SLC5A1: variants seen among roughly 807,000 people sequenced by gnomAD.
SLC5A1 encodes solute carrier family 5 member 1.
In SLC5A1, 42 loss-of-function variants were observed where a neutral mutation model predicts 73.5. The ratio of observed to expected loss-of-function variants is 0.57; its 90% CI spans 0.45 to 0.74. The LOEUF is 0.74. SLC5A1 is among the 30% of genes least tolerant of loss of function. SLC5A1 has a pLI of 0.00. For missense variants in SLC5A1, 634 were observed against 855.4 expected (o/e 0.74, Z 3.23); for synonymous variants, 300 against 317.4 (o/e 0.95, Z 0.58).
intron 2 of SLC5A1, among the ~76,000 whole-genome samples, chr22:32,051,720 C>T (rs1424798797): frequency 6.6e-6 from 1 of 152,072 alleles, no homozygotes; most frequent in Non-Finnish European, 1.5e-5. Context: ...ATCCCAAACC[C>T]AACAACAACA....
chr22:32,062,303 C>T (rs866299194), intron 2 of SLC5A1, among the ~76,000 whole-genome samples: 2 of 152,140 alleles, frequency 1.3e-5, no homozygotes, highest in African/African-American at 2.4e-5. Context: ...TTAATTTTTC[C>T]GTACATCTCC....
chr22:32,049,860 G>A, intron 1 of SLC5A1, 83 bp from the exon 2 acceptor site: 1 of 1,031,012 alleles, frequency 9.7e-7, no homozygotes, highest in South Asian at 1.3e-5. Flanking sequence ...AGAAGAAGGT[G>A]CACGAATGGG....
chr22:32,060,052 C>CACACACACACACAT (rs1450100086), intron 2 of SLC5A1, among the ~76,000 whole-genome samples: 5 of 115,614 alleles, frequency 4.3e-5, no homozygotes, highest in South Asian at 5.8e-4. Flanking sequence ...CACACACACA[C>CACACACACACACAT]ATATATACAC....
At position 32,102,038 on chromosome 22, in the gene SLC5A1, T is replaced by C; in HGVS notation, c.1466T>C (p.Leu489Pro). Residue 489 changes from leucine (L) to proline (P), a missense_variant, in exon 13 of 15, where the codon CTG (leucine) becomes CCG (proline). Transcript: ENST00000266088. ...CTTTCACAGGGAGCCTTTTGGGGAC[T>C]GATCCTAGGACTTCTGATTGGGATT... is the stretch of plus-strand genomic sequence containing the variant. ...RVNEPGAFWG[L>P]ILGLLIGISR... 2 of 1,614,052 alleles carry C rather than the reference T, an allele frequency of 1.2e-6. No individual in the cohort carries two copies. Among genetic ancestry groups the C allele is most frequent in the Non-Finnish European group, 1.7e-6 (2 of 1,179,926 alleles).
intron 5 of SLC5A1, among the ~76,000 whole-genome samples, chr22:32,076,112 G>A (rs1477266598): frequency 6.6e-6 from 1 of 152,166 alleles, no homozygotes. Flanking sequence ...GACCTGCCAC[G>A]AAGGCTTGGG....
At chr22:32,084,855 G>A (rs747358582) in intron 8 of SLC5A1, 45 bp from the exon 9 acceptor site, 5 of 1,612,618 alleles carry the variant, frequency 3.1e-6, no homozygotes, top group East Asian at 2.2e-5. Context: ...AGGTGTCACA[G>A]GGTCTCTGGT....
At position 32,110,511 on chromosome 22, in the gene SLC5A1, G is replaced by T; in HGVS notation, c.*298G>T. 4.3e-6 allele frequency: 2 copies of T among 462,568 alleles called. No individual in the cohort carries two copies. Among genetic ancestry groups the T allele is most frequent in the Non-Finnish European group, 8.0e-6 (2 of 250,264 alleles). The allele number at this position is 462,568 out of a possible 1,614,324, so 28.7% of individuals were successfully genotyped here. Reference sequence around the variant, plus strand: ...AGAAGCCATGTGATTGATGTCTGACGTGAGTCTGTCTCAGGTAGATTCCGG... The same window carrying T: ...AGAAGCCATGTGATTGATGTCTGACTTGAGTCTGTCTCAGGTAGATTCCGG... On this transcript the variant is annotated 3_prime_UTR_variant, in exon 15 of 15. Transcript: ENST00000266088.
Position 32,090,459 on chromosome 22 carries a change from G to A in SLC5A1, c.1130-1153G>A, listed in dbSNP as rs139587017. 2.2e-3 allele frequency among the ~76,000 whole-genome samples: 342 copies of A among 152,198 alleles called. 1 individual carries two copies. Among genetic ancestry groups the A allele is most frequent in the African/African-American group, 7.9e-3 (328 of 41,522 alleles). ...AACATAATGTTTGCAAGGTTCATAT[G>A]TGTCCTAGCATGTATTTGTATGTCA... is the stretch of plus-strand genomic sequence containing the variant. On this transcript the variant is annotated intron_variant, in intron 10 of 14. Transcript: ENST00000266088.
intron 11 of SLC5A1, among the ~76,000 whole-genome samples, chr22:32,093,585 T>G (rs2149494803): frequency 6.6e-6 from 1 of 151,066 alleles, no homozygotes; most frequent in African/African-American, 2.4e-5. Flanking sequence ...CTTCTCTCTC[T>G]TTCTTTTTTT....
At chr22:32,109,023 C>T (rs1158260313) in intron 14 of SLC5A1, among the ~76,000 whole-genome samples, 1 of 152,058 alleles carries the variant, frequency 6.6e-6, no homozygotes, top group African/African-American at 2.4e-5. Context: ...AAAAATTTAA[C>T]TGGACATGGT....
intron 5 of SLC5A1, among the ~76,000 whole-genome samples, chr22:32,070,007 C>T (rs2093980161): frequency 6.6e-6 from 1 of 152,064 alleles, no homozygotes; most frequent in Non-Finnish European, 1.5e-5. Flanking sequence ...TGCTAACTCT[C>T]TGGGGGATGT....
At chr22:32,095,327 G>A (rs1488454058) in intron 11 of SLC5A1, among the ~76,000 whole-genome samples, 4 of 152,166 alleles carry the variant, frequency 2.6e-5, no homozygotes, top group Non-Finnish European at 5.9e-5. Flanking sequence ...TGGTCAATGG[G>A]TACAATGTTC....
intron 11 of SLC5A1, 78 bp from the exon 12 acceptor site, chr22:32,099,105 A>ATATATATATATATATATATAT (rs1448860989): frequency 3.5e-5 from 2 of 56,532 alleles, no homozygotes; most frequent in Non-Finnish European, 6.6e-5. Flanking sequence ...AAAAAAAAAA[A>ATATATATATATATATATATAT]ATATATATAT....
At chr22:32,070,520 G>T (rs2093981316) in intron 5 of SLC5A1, among the ~76,000 whole-genome samples, 1 of 151,566 alleles carries the variant, frequency 6.6e-6, no homozygotes. Flanking sequence ...CTTTTGTAGA[G>T]ACAGGGCCTC....
intron 12 of SLC5A1, among the ~76,000 whole-genome samples, chr22:32,099,680 G>T (rs1213753903): frequency 6.6e-6 from 1 of 152,078 alleles, no homozygotes; most frequent in Non-Finnish European, 1.5e-5. Context: ...TCCCACCTCA[G>T]CCTCCCAAAG....
At chr22:32,083,923 T>A (rs2094003906) in intron 7 of SLC5A1, among the ~76,000 whole-genome samples, 1 of 152,140 alleles carries the variant, frequency 6.6e-6, no homozygotes, top group Admixed American at 6.5e-5. Flanking sequence ...GACACACAAT[T>A]GAGAGGTGGC....
At position 32,112,872 on chromosome 22, in the gene SLC5A1, TGA is replaced by T. The variant is rs949325419; in HGVS notation, c.*2661_*2662del. The T allele has an allele frequency of 1.2e-4, 19 of 152,170 alleles. No homozygotes were observed. Among genetic ancestry groups the T allele is most frequent in the Admixed American group, 5.2e-4 (8 of 15,278 alleles). 9.4% of individuals were successfully genotyped at this position (152,170 alleles called of 1,614,324 possible). A position where few individuals can be genotyped will look rare whatever the true frequency, so the allele number is the denominator to read the frequency against. On this transcript the variant is annotated 3_prime_UTR_variant, in exon 15 of 15. Transcript: ENST00000266088. ...TACTTGAAAATTGCTGAGAGTAGTG[TGA>T]GTGTTCTACCACAAAAAAATATGTG...
intron 7 of SLC5A1, 43 bp from the exon 8 acceptor site, chr22:32,084,396 T>C (rs2149492288): frequency 3.9e-6 from 6 of 1,553,736 alleles, no homozygotes; most frequent in Non-Finnish European, 5.3e-6. Context: ...CTATGACGAG[T>C]TGAAGGTTTC....
At chr22:32,069,834 A>G (rs1414754595) in intron 5 of SLC5A1, among the ~76,000 whole-genome samples, 3 of 152,120 alleles carry the variant, frequency 2.0e-5, no homozygotes, top group Admixed American at 6.5e-5. Flanking sequence ...GGCACTGCTG[A>G]GATTCTGTCT....
Sources: gnomAD v4.1 joint callset for allele counts (sites outside exome capture counted in the v4.1 genomes callset) on GRCh38, gnomAD v4.1.1 for gene constraint, MANE v1.5 for transcripts, NCBI Gene and HGNC (gene_info 2026-07-23, HGNC 2026-07-21) for gene names.